Variants in DLGAP1 observed in about 807,000 individuals in gnomAD.
The protein encoded by DLGAP1 is disks large-associated protein 1.
Under a neutral mutation model 90.8 loss-of-function variants are expected in DLGAP1, and 11 were observed. The observed-to-expected ratio is 0.12, with a 90% CI of 0.08 to 0.20. The LOEUF (loss-of-function observed/expected upper bound fraction) is 0.20. Among genes scored for constraint, DLGAP1 ranks in the 10% least tolerant of loss-of-function variants. The pLI is 1.00. For missense variants in DLGAP1, 1,050 were observed against 1,333.8 expected (o/e 0.79, Z 3.31); for synonymous variants, 558 against 540.7 (o/e 1.03, Z -0.44).
intron 1 of DLGAP1, among the ~76,000 whole-genome samples, chr18:4,267,848 T>C (rs1029599828): frequency 2.6e-5 from 4 of 152,112 alleles, no homozygotes; most frequent in Non-Finnish European, 5.9e-5. Flanking sequence ...ACTCACAACA[T>C]GGCAGCCGGC....
chr18:4,286,210 A>G (rs1466751833), intron 1 of DLGAP1, among the ~76,000 whole-genome samples: 4 of 152,180 alleles, frequency 2.6e-5, no homozygotes. Flanking sequence ...ATTATATGGT[A>G]GAGGAGAGAT....
intron 1 of DLGAP1, among the ~76,000 whole-genome samples, chr18:4,386,721 T>C (rs1007266063): frequency 2.6e-5 from 4 of 152,166 alleles, no homozygotes; most frequent in Non-Finnish European, 5.9e-5. Flanking sequence ...GGGCAGCAAC[T>C]CTTTTAGAGA....
intron 9 of DLGAP1, among the ~76,000 whole-genome samples, chr18:3,543,888 T>A (rs1367385966): frequency 6.6e-6 from 1 of 151,452 alleles, no homozygotes; most frequent in African/African-American, 2.4e-5. Flanking sequence ...CTGCACAGAG[T>A]GAAGGTCTGA....
intron 1 of DLGAP1, among the ~76,000 whole-genome samples, chr18:4,367,612 G>A (rs1432256588): frequency 6.6e-6 from 1 of 152,152 alleles, no homozygotes; most frequent in Non-Finnish European, 1.5e-5. Flanking sequence ...CACTTGGGGA[G>A]GCCGAGGCGG....
At chr18:4,399,360 G>A (rs2082504019) in intron 1 of DLGAP1, among the ~76,000 whole-genome samples, 1 of 152,066 alleles carries the variant, frequency 6.6e-6, no homozygotes, top group South Asian at 2.1e-4. Flanking sequence ...GTGTTTCAGG[G>A]TCTATTTATG....
At chr18:3,994,812 T>C (rs530347907) in intron 3 of DLGAP1, among the ~76,000 whole-genome samples, 30 of 152,338 alleles carry the variant, frequency 2.0e-4, no homozygotes, top group Middle Eastern at 3.4e-3. Flanking sequence ...GAATGATTTA[T>C]TCAAATTTAA....
Position 3,764,075 on chromosome 18 carries a change from G to A in DLGAP1, c.1173-21563C>T, listed in dbSNP as rs538575319. 5.3e-5 allele frequency among the ~76,000 whole-genome samples: 8 copies of A among 152,268 alleles called. No individual in the cohort carries two copies. The South Asian group carries it at 6.2e-4, about 12-fold the overall frequency. On this transcript the variant is annotated intron_variant, in intron 5 of 12. Coordinates refer to ENST00000315677, the MANE Select transcript of DLGAP1 (RefSeq NM_004746.4). ...AACAAAACCACAATTTACTGAGTGC[G>A]TTACATGGCCCTATGCATTTAAGTG... is the stretch of plus-strand genomic sequence containing the variant.
At chr18:3,616,780 T>A (rs1791373) in intron 7 of DLGAP1, among the ~76,000 whole-genome samples, 101,770 of 151,306 alleles carry the variant, frequency 0.67, 35,389 homozygotes, top group African/African-American at 0.85. Flanking sequence ...ACAAACAAAC[T>A]GGAAAAAAAA....
chr18:3,691,704 A>G (rs567444247), intron 7 of DLGAP1, among the ~76,000 whole-genome samples: 164 of 152,234 alleles, frequency 1.1e-3, no homozygotes, highest in African/African-American at 3.6e-3. Flanking sequence ...TTGAGCCCAG[A>G]AGCTCAAGAA....
intron 3 of DLGAP1, among the ~76,000 whole-genome samples, chr18:3,990,687 G>C (rs555955677): frequency 6.7e-6 from 1 of 149,538 alleles, no homozygotes; most frequent in South Asian, 2.1e-4. Flanking sequence ...TACTTGTTGA[G>C]TTTTGGTTGA....
intron 7 of DLGAP1, among the ~76,000 whole-genome samples, chr18:3,619,558 A>ACCC (rs2058017031): frequency 6.6e-6 from 1 of 151,692 alleles, no homozygotes; most frequent in Non-Finnish European, 1.5e-5. Context: ...CAAGTCACTA[A>ACCC]CCCCTTCCCT....
At chr18:3,971,980 G>T (rs1028667727) in intron 3 of DLGAP1, among the ~76,000 whole-genome samples, 1 of 152,124 alleles carries the variant, frequency 6.6e-6, no homozygotes, top group Non-Finnish European at 1.5e-5. Flanking sequence ...ACTAAGGGAA[G>T]ACTCTTTACT....
chr18:4,018,756 C>T (rs1317232939), intron 2 of DLGAP1, among the ~76,000 whole-genome samples: 1 of 152,200 alleles, frequency 6.6e-6, no homozygotes, highest in East Asian at 1.9e-4. Flanking sequence ...AGCAGAAGAA[C>T]TTTCAGCCTA....
intron 1 of DLGAP1, among the ~76,000 whole-genome samples, chr18:4,449,133 A>G (rs1351394020): frequency 2.0e-5 from 3 of 152,220 alleles, no homozygotes; most frequent in African/African-American, 4.8e-5. Flanking sequence ...GGAGAACTCA[A>G]TGTAAGAGGT....
chr18:3,503,630 A>C (rs991275718), intron 11 of DLGAP1, among the ~76,000 whole-genome samples: 1 of 152,220 alleles, frequency 6.6e-6, no homozygotes, highest in Non-Finnish European at 1.5e-5. Context: ...ACAGACTGTG[A>C]AACTCCATGT....
intron 11 of DLGAP1, among the ~76,000 whole-genome samples, chr18:3,504,559 G>GT (rs940060058): frequency 3.5e-4 from 53 of 151,856 alleles, no homozygotes; most frequent in African/African-American, 1.2e-3. Context: ...TAATTTTTGT[G>GT]TTTTTTTGTA....
chr18:3,826,085 C>T (rs2067695232), intron 4 of DLGAP1, among the ~76,000 whole-genome samples: 1 of 152,120 alleles, frequency 6.6e-6, no homozygotes, highest in Non-Finnish European at 1.5e-5. Flanking sequence ...TGACTACACA[C>T]AGACATAAAG....
At chr18:3,902,245 GC>G (rs1200505768) in intron 3 of DLGAP1, among the ~76,000 whole-genome samples, 3 of 152,170 alleles carry the variant, frequency 2.0e-5, no homozygotes, top group African/African-American at 7.2e-5. Context: ...TGAGTAACTT[GC>G]TTTGTTTTCC....
intron 1 of DLGAP1, among the ~76,000 whole-genome samples, chr18:4,396,543 C>CAA (rs2082445334): frequency 1.3e-5 from 2 of 152,118 alleles, no homozygotes; most frequent in South Asian, 4.1e-4. Flanking sequence ...GGAAGGTTTC[C>CAA]CGTAGATAAA....
Sources: gnomAD v4.1 joint callset for allele counts (sites outside exome capture counted in the v4.1 genomes callset) on GRCh38, gnomAD v4.1.1 for gene constraint, MANE v1.5 for transcripts, NCBI Gene and HGNC (gene_info 2026-07-23, HGNC 2026-07-21) for gene names.